The following DLG2 variants were observed in gnomAD, a reference collection of about 807,000 sequenced individuals.
DLG2 encodes the protein discs large MAGUK scaffold protein 2.
DLG2 carries 45 observed loss-of-function variants against 132.5 expected under a neutral mutation model. That is an observed-to-expected ratio of 0.34 (90% CI 0.27 to 0.44). DLG2 has a LOEUF of 0.44. DLG2 is among the 20% of genes least tolerant of loss of function. DLG2 has a pLI of 1.00. For synonymous variants in DLG2, 424 were observed against 419.6 expected, an observed-to-expected ratio of 1.01 and a Z score of -0.13; for missense variants, 1,045 against 1,196.9, an observed-to-expected ratio of 0.87 and a Z score of 1.87.
At chr11:84,707,404 C>T (rs938152912) in intron 6 of DLG2, among the ~76,000 whole-genome samples, 23 of 151,854 alleles carry the variant, frequency 1.5e-4, no homozygotes, top group African/African-American at 5.3e-4. Flanking sequence ...TGGCTTGACA[C>T]TAAAAGTGTA....
intron 16 of DLG2, among the ~76,000 whole-genome samples, chr11:83,839,022 A>G (rs2056928511): frequency 6.6e-6 from 1 of 152,196 alleles, no homozygotes; most frequent in Non-Finnish European, 1.5e-5. Flanking sequence ...GTCATTATGA[A>G]ACATCATTGC....
intron 6 of DLG2, among the ~76,000 whole-genome samples, chr11:84,715,451 GT>G (rs908287470): frequency 5.3e-4 from 80 of 152,100 alleles, no homozygotes; most frequent in African/African-American, 1.9e-3. Context: ...ATTAACTATA[GT>G]CCAAACACTG....
At chr11:83,885,468 CT>C (rs1441512295) in intron 15 of DLG2, among the ~76,000 whole-genome samples, 2 of 152,220 alleles carry the variant, frequency 1.3e-5, no homozygotes, top group Non-Finnish European at 2.9e-5. Context: ...AAATCTACAT[CT>C]GATTGGTGTA....
At chr11:84,155,797 G>A (rs2095416622) in intron 9 of DLG2, among the ~76,000 whole-genome samples, 1 of 152,108 alleles carries the variant, frequency 6.6e-6, no homozygotes, top group East Asian at 1.9e-4. Flanking sequence ...GGCTCCAAGG[G>A]AGAAATGAGG....
intron 11 of DLG2, among the ~76,000 whole-genome samples, chr11:84,031,245 A>AG (rs1469525030): frequency 6.6e-6 from 1 of 152,140 alleles, no homozygotes; most frequent in Non-Finnish European, 1.5e-5. Flanking sequence ...AAAAAAAAAA[A>AG]AAAATGAATA....
intron 6 of DLG2, among the ~76,000 whole-genome samples, chr11:84,639,002 G>A (rs1374791301): frequency 6.6e-6 from 1 of 152,286 alleles, no homozygotes; most frequent in South Asian, 2.1e-4. Flanking sequence ...TAAAATCTGA[G>A]AGCACTCAGT....
chr11:85,050,112 G>A (rs2062750620), intron 6 of DLG2, among the ~76,000 whole-genome samples: 1 of 88,362 alleles, frequency 1.1e-5, no homozygotes, highest in African/African-American at 4.8e-5. Flanking sequence ...CTGACCCACT[G>A]TGTCATCACA....
Position 84,892,623 on chromosome 11 carries a change from G to A in DLG2, c.357+219038C>T, listed in dbSNP as rs116539907. On this transcript the variant is annotated intron_variant, in intron 6 of 27. Coordinates refer to ENST00000376104, the MANE Select transcript of DLG2 (RefSeq NM_001142699.3). ...ATATTTTATAATAAAAATAACACTG[G>A]TGGACTTAAGAGAATTTTTCTCCTT... 5.5e-3 allele frequency among the ~76,000 whole-genome samples: 835 copies of A among 152,018 alleles called. 13 individuals are homozygous for A. Among genetic ancestry groups the A allele is most frequent in the African/African-American group, 0.019 (775 of 41,498 alleles).
chr11:84,316,588 G>C (rs1399322093), intron 7 of DLG2, among the ~76,000 whole-genome samples: 1 of 152,156 alleles, frequency 6.6e-6, no homozygotes, highest in East Asian at 1.9e-4. Flanking sequence ...CTGAGGACTA[G>C]AGAAGTTGAA....
chr11:84,615,843 T>TCATTCCAG (rs2099603461), intron 6 of DLG2, among the ~76,000 whole-genome samples: 1 of 81,820 alleles, frequency 1.2e-5, no homozygotes, highest in African/African-American at 7.5e-5. Flanking sequence ...AAAAAAAACT[T>TCATTCCAG]CATTCCAGTA....
At chr11:84,808,779 C>T (rs1187827416) in intron 6 of DLG2, among the ~76,000 whole-genome samples, 1 of 151,822 alleles carries the variant, frequency 6.6e-6, no homozygotes. Flanking sequence ...ATAAATAGCT[C>T]CATTACCTTT....
chr11:85,083,109 A>C (rs1313055514), intron 6 of DLG2, among the ~76,000 whole-genome samples: 2 of 152,166 alleles, frequency 1.3e-5, no homozygotes, highest in Non-Finnish European at 2.9e-5. Context: ...CTAAAACTCC[A>C]GAAATGAGTT....
At chr11:85,608,740 C>T (rs2080774640) in intron 2 of DLG2, among the ~76,000 whole-genome samples, 1 of 152,136 alleles carries the variant, frequency 6.6e-6, no homozygotes, top group Non-Finnish European at 1.5e-5. Context: ...CCCTTTCTCC[C>T]TCTCTGATTT....
At chr11:84,777,776 T>A (rs774864604) in intron 6 of DLG2, among the ~76,000 whole-genome samples, 1 of 152,154 alleles carries the variant, frequency 6.6e-6, no homozygotes, top group Non-Finnish European at 1.5e-5. Flanking sequence ...TCTATTCATG[T>A]CCTTTGCCCA....
intron 6 of DLG2, among the ~76,000 whole-genome samples, chr11:84,963,962 T>C (rs2052964750): frequency 6.6e-6 from 1 of 152,166 alleles, no homozygotes; most frequent in Non-Finnish European, 1.5e-5. Flanking sequence ...GTTCTCTTCA[T>C]ACCTCTAAGG....
intron 9 of DLG2, among the ~76,000 whole-genome samples, chr11:84,150,632 T>C (rs1481670641): frequency 6.6e-6 from 1 of 152,172 alleles, no homozygotes; most frequent in Non-Finnish European, 1.5e-5. Flanking sequence ...TTCTTTTGGC[T>C]AGGACTTCAA....
At chr11:84,856,962 G>A (rs1205795175) in intron 6 of DLG2, among the ~76,000 whole-genome samples, 1 of 151,898 alleles carries the variant, frequency 6.6e-6, no homozygotes, top group Non-Finnish European at 1.5e-5. Flanking sequence ...TTTGTCACAA[G>A]CCAAGGGAAG....
intron 16 of DLG2, among the ~76,000 whole-genome samples, chr11:83,864,824 AC>A (rs200099985): frequency 7.3e-4 from 110 of 151,324 alleles, no homozygotes; most frequent in African/African-American, 2.3e-3. Context: ...AGAAAAAAAA[AC>A]CAGATTTCAT....
chr11:84,106,966 G>GTC (rs1566528267), intron 9 of DLG2, among the ~76,000 whole-genome samples: 1 of 136,120 alleles, frequency 7.3e-6, no homozygotes. Flanking sequence ...GAGAGAGAGA[G>GTC]TTTTAGCCTT....
Sources: gnomAD v4.1 joint callset for allele counts (sites outside exome capture counted in the v4.1 genomes callset) on GRCh38, gnomAD v4.1.1 for gene constraint, MANE v1.5 for transcripts, NCBI Gene and HGNC (gene_info 2026-07-23, HGNC 2026-07-21) for gene names.